ZIC4: variants seen among roughly 807,000 people sequenced by gnomAD.
ZIC4 encodes the protein Zic family zinc finger 4.
ZIC4 carries 15 observed loss-of-function variants against 28.8 expected under a neutral mutation model. The ratio of observed to expected loss-of-function variants is 0.52; its 90% confidence interval spans 0.35 to 0.80. ZIC4 has a LOEUF of 0.80. Among genes scored for constraint, ZIC4 ranks in the 30% least tolerant of loss-of-function variants. ZIC4 has a pLI of 0.01. For synonymous variants in ZIC4, 220 were observed against 198.1 expected, an observed-to-expected ratio of 1.11 and a Z score of -0.93; for missense variants, 512 against 467.1, an observed-to-expected ratio of 1.10 and a Z score of -0.89.
Position 147,391,006 on chromosome 3 carries a change from G to A in ZIC4, c.929C>T (p.Ser310Leu). The change falls in exon 4 of 5, where the codon TCG becomes TTG. Residue 310 changes from serine (S) to leucine (L), a missense_variant. Ser to Leu is a moderately radical substitution (Grantham distance 145). This residue lies in a region of ZIC4 where 144 missense variants were observed against 116.8 expected (regional missense o/e 1.23). Transcript: ENST00000383075. ...CTGGGACTTGTGGCCGCAGTCCGACGAGGGCGACACGAGGGCAGACGGTGT... is the reference window on the plus strand; with the variant it reads ...CTGGGACTTGTGGCCGCAGTCCGACAAGGGCGACACGAGGGCAGACGGTGT... ...SATPSALVSP[S>L]SDCGHKSQVA... 3 of 1,613,424 alleles carry A rather than the reference G, an allele frequency of 1.9e-6. No individual in the cohort carries two copies. Among genetic ancestry groups the A allele is most frequent in the Non-Finnish European group, 2.5e-6 (3 of 1,179,902 alleles).
In ZIC4 at chr3:147,396,339, G is replaced by C; in HGVS notation, c.201C>G (p.Leu67=). Residue 67 remains leucine (L), a synonymous_variant, in exon 3 of 5, where the codon CTC becomes CTG. Coordinates refer to ENST00000383075, the MANE Select transcript of ZIC4 (RefSeq NM_032153.6). This position sits in a 1 kb window ranked among gnomAD's most constrained non-coding sequence, Gnocchi z 4.2. The part of the protein sequence containing the change: ...RPLNGLLRLG[L]PGDMYARPEP... The stretch of plus-strand genomic sequence containing the variant: ...CCGGCCGCGCGTACATGTCTCCAGG[G>C]AGCCCCAGACGCAGGAGTCCATTCA... The C allele has an allele frequency of 2.5e-6, 4 of 1,580,050 alleles. No homozygotes were observed. Among genetic ancestry groups the C allele is most frequent in the Non-Finnish European group, 3.4e-6 (4 of 1,164,964 alleles).
chr3:147,391,805 C>A, intron 3 of ZIC4: 1 of 279,278 alleles, frequency 3.6e-6, no homozygotes, highest in Non-Finnish European at 5.0e-6. Flanking sequence ...TTTAAGGATG[C>A]GCAGCCGATG....
chr3:147,395,900 C>T lies in ZIC4; in HGVS notation c.640G>A (p.Val214Ile), dbSNP rs1291550074. 1 of 1,614,216 alleles carries T rather than the reference C, an allele frequency of 6.2e-7. No homozygotes were observed. Among genetic ancestry groups the T allele is most frequent in the Admixed American group, 1.7e-5 (1 of 60,024 alleles). The change falls in exon 3 of 5, where the codon GTC becomes ATC. Residue 214 changes from valine to isoleucine, a missense_variant. This residue lies in a region of ZIC4 where 58 missense variants were observed against 93.8 expected (regional missense o/e 0.62). Coordinates refer to ENST00000383075, the MANE Select transcript of ZIC4 (RefSeq NM_032153.6). ...TTGAGATTTTCTGATCTAGCAAAGA[C>T]CTTCCCACACCCCGGGAAAGGACAA... is the stretch of plus-strand genomic sequence containing the variant. ...FPCPFPGCGKVFARSENLKIH... is the reference protein window; with the variant it reads ...FPCPFPGCGKIFARSENLKIH...
intron 3 of ZIC4, chr3:147,391,843 G>A: frequency 2.3e-6 from 1 of 440,734 alleles, no homozygotes; most frequent in Non-Finnish European, 3.0e-6. Context: ...AAGTGGATTC[G>A]TGCTGCAGGG....
intron 3 of ZIC4, chr3:147,391,851 G>T: frequency 2.0e-6 from 1 of 494,884 alleles, no homozygotes; most frequent in Non-Finnish European, 2.6e-6. Flanking sequence ...TCGTGCTGCA[G>T]GGAGAGGTAT....
chr3:147,393,594 G>C (rs886305345), intron 3 of ZIC4: 1 of 281,626 alleles, frequency 3.6e-6, no homozygotes, highest in Non-Finnish European at 7.0e-6. Context: ...CCCTGAGCCG[G>C]GTCCGCCGAA....
At chr3:147,394,483 A>AC in intron 3 of ZIC4, among the ~76,000 whole-genome samples, 1 of 151,878 alleles carries the variant, frequency 6.6e-6, no homozygotes, top group Admixed American at 6.6e-5. Context: ...AAAAAAAAAA[A>AC]AAAACCCTGT....
At chr3:147,402,931 C>G (rs1247505224) in intron 1 of ZIC4, 119 bp from the exon 2 acceptor site, 2 of 802,342 alleles carry the variant, frequency 2.5e-6, no homozygotes, top group Non-Finnish European at 3.8e-6. Context: ...ATCTTTCGGT[C>G]TTTCTTTGAC....
intron 2 of ZIC4, among the ~76,000 whole-genome samples, chr3:147,402,388 A>G (rs1469240967): frequency 1.3e-5 from 2 of 152,246 alleles, no homozygotes; most frequent in African/African-American, 4.8e-5. Context: ...AATGAATTCA[A>G]GATGAATATG....
chr3:147,405,805 G>T (rs750907764), intron 1 of ZIC4: 2 of 388,018 alleles, frequency 5.2e-6, no homozygotes, highest in Non-Finnish European at 9.5e-6. Context: ...GGGCGGAGAA[G>T]TTCCATCGTC....
In ZIC4 at chr3:147,392,060, C is replaced by T. The variant is rs551431195; in HGVS notation, c.689-814G>A. The T allele has an allele frequency of 9.4e-4, 927 of 985,542 alleles. 1 individual carries two copies. The highest frequency in any genetic ancestry group is 9.9e-4 in the Non-Finnish European group (819 of 830,018). 61.0% of individuals were successfully genotyped at this position (985,542 alleles called of 1,614,324 possible). A position where few individuals can be genotyped will look rare whatever the true frequency, so the allele number is the denominator to read the frequency against. On this transcript the variant is annotated intron_variant, in intron 3 of 4. Coordinates refer to ENST00000383075, the MANE Select transcript of ZIC4 (RefSeq NM_032153.6). ...GGCTTCCTGGAGACCGTGCTGTGGG[C>T]AGCTGGCCCTCCCAGTCCGCACTGA...
At position 147,391,153 on chromosome 3, in the gene ZIC4, T is replaced by C; in HGVS notation, c.782A>G (p.Asp261Gly). The C allele has an allele frequency of 6.2e-7, 1 of 1,613,396 alleles. No homozygotes were observed. Among genetic ancestry groups the C allele is most frequent in the African/African-American group, 1.3e-5 (1 of 75,060 alleles). The change falls in exon 4 of 5, where the codon GAC becomes GGC. Residue 261 changes from aspartate (D) to glycine (G), a missense_variant. Asp to Gly is a moderately conservative substitution (Grantham distance 94). Transcript: ENST00000383075. ...RKKHSHVHTS[D>G]KPYTCKVRGC... is the part of the protein sequence containing the mutation. ...CCGCACCTTGCACGTGTATGGCTTG[T>C]CGCTAGTGTGCACGTGCGAATGCTT...
intron 1 of ZIC4, chr3:147,403,933 C>G (rs1227954979): frequency 2.0e-6 from 3 of 1,528,270 alleles, no homozygotes; most frequent in Non-Finnish European, 2.6e-6. Context: ...TTTTCTAGGT[C>G]CAGGCCTAGG....
At position 147,398,886 on chromosome 3, in the gene ZIC4, T is replaced by A. The variant is rs559433890; in HGVS notation, c.71-2417A>T. Among the ~76,000 whole-genome samples the A allele has an allele frequency of 5.7e-3, 859 of 151,598 alleles. 5 individuals are homozygous for A. Among genetic ancestry groups the A allele is most frequent in the Non-Finnish European group, 8.8e-3 (596 of 67,942 alleles). The stretch of plus-strand genomic sequence containing the variant: ...GGTCAGTAAATAAGGCCTTAAAAAA[T>A]TTTTTTTTAAAATAATTAACTGATG... On this transcript the variant is annotated intron_variant, in intron 2 of 4. Coordinates refer to ENST00000383075, the MANE Select transcript of ZIC4 (RefSeq NM_032153.6).
At position 147,395,990 on chromosome 3, in the gene ZIC4, G is replaced by C. The variant is rs746961837; in HGVS notation, c.550C>G (p.Pro184Ala). The change falls in exon 3 of 5, where the codon CCC (proline) becomes GCC (alanine). Residue 184 changes from proline (P) to alanine (A), a missense_variant. Pro to Ala is a conservative substitution (Grantham distance 27). Around this residue, in one of 3 missense-constraint regions of ZIC4, gnomAD observed 310 missense variants for 256.5 expected, o/e 1.21. Transcript: ENST00000383075. ...FWEECPRQGK[P>A]FKAKYKLVNH... Reference sequence around the variant, plus strand: ...ACAAGTTTGTATTTGGCTTTGAAGGGCTTTCCCTGGCGCGGACACTCCTCC... The same window carrying C: ...ACAAGTTTGTATTTGGCTTTGAAGGCCTTTCCCTGGCGCGGACACTCCTCC... The C allele has an allele frequency of 2.5e-6, 4 of 1,614,138 alleles. No homozygotes were observed. In the African/African-American group the frequency reaches 5.3e-5, roughly 22 times the overall value.
At chr3:147,399,351 C>T (rs2087116938) in intron 2 of ZIC4, among the ~76,000 whole-genome samples, 3 of 152,152 alleles carry the variant, frequency 2.0e-5, no homozygotes, top group Admixed American at 6.5e-5. Context: ...TTTCACCTCC[C>T]AGGTGTATGT....
intron 2 of ZIC4, chr3:147,397,128 G>A (rs773288975): frequency 6.6e-6 from 1 of 151,632 alleles, no homozygotes; most frequent in Non-Finnish European, 1.5e-5. Flanking sequence ...GTTTGGATTT[G>A]GGCGCGCCCA....
chr3:147,401,164 C>T (rs990467373), intron 2 of ZIC4, among the ~76,000 whole-genome samples: 1 of 152,150 alleles, frequency 6.6e-6, no homozygotes, highest in East Asian at 1.9e-4. Context: ...CTTTTGCTCA[C>T]CTACCCAGAC....
intron 2 of ZIC4, among the ~76,000 whole-genome samples, chr3:147,398,801 A>G (rs1313555887): frequency 6.6e-6 from 1 of 152,130 alleles, no homozygotes. Flanking sequence ...CTGAATAGAA[A>G]TTGACTGAAC....
Sources: gnomAD v4.1 joint callset for allele counts (sites outside exome capture counted in the v4.1 genomes callset) on GRCh38, gnomAD v4.1.1 for gene constraint, gnomAD v4.1.1 regional missense constraint, Gnocchi (gnomAD v3.1) non-coding constraint, MANE v1.5 for transcripts, NCBI Gene and HGNC (gene_info 2026-07-23, HGNC 2026-07-21) for gene names.